The following ERBB4 variants were observed in gnomAD, a reference collection of about 807,000 sequenced individuals.
ERBB4 encodes receptor tyrosine-protein kinase erbB-4.
A neutral mutation model predicts 158.0 loss-of-function variants in ERBB4; 42 were observed. That is an observed-to-expected ratio of 0.27 (90% confidence interval 0.21 to 0.34). The LOEUF (loss-of-function observed/expected upper bound fraction) is 0.34. Among genes scored for constraint, ERBB4 ranks in the 10% least tolerant of loss-of-function variants. ERBB4 has a pLI of 1.00. For synonymous variants in ERBB4, 583 were observed against 558.7 expected (o/e 1.04, Z -0.61); for missense variants, 1,333 against 1,624.1 (o/e 0.82, Z 3.08).
At chr2:211,475,957 A>G (rs1234396679) in intron 20 of ERBB4, among the ~76,000 whole-genome samples, 1 of 152,160 alleles carries the variant, frequency 6.6e-6, no homozygotes, top group African/African-American at 2.4e-5. Context: ...TACACGATCA[A>G]TTCCATCAAG....
At chr2:212,410,204 C>T (rs2091457023) in intron 1 of ERBB4, among the ~76,000 whole-genome samples, 1 of 151,944 alleles carries the variant, frequency 6.6e-6, no homozygotes, top group South Asian at 2.1e-4. Context: ...ATACCTGTTA[C>T]TGTCATTTAT....
intron 1 of ERBB4, among the ~76,000 whole-genome samples, chr2:212,474,887 T>C (rs1434631587): frequency 7.3e-6 from 1 of 137,548 alleles, no homozygotes; most frequent in African/African-American, 2.8e-5. Flanking sequence ...CCTGATGGGC[T>C]CAAGGATTCC....
intron 1 of ERBB4, among the ~76,000 whole-genome samples, chr2:212,304,490 T>C (rs1441647701): frequency 1.3e-5 from 2 of 151,530 alleles, no homozygotes; most frequent in East Asian, 3.9e-4. Context: ...TTTTTATTTG[T>C]AGCATATCCA....
chr2:212,362,686 C>T (rs1190009885), intron 1 of ERBB4, among the ~76,000 whole-genome samples: 1 of 148,120 alleles, frequency 6.8e-6, no homozygotes, highest in African/African-American at 2.5e-5. Flanking sequence ...ACAGCCAATG[C>T]CAGCACTATC....
chr2:211,699,711 T>C (rs1447847359), intron 12 of ERBB4, among the ~76,000 whole-genome samples: 2 of 152,082 alleles, frequency 1.3e-5, no homozygotes, highest in Non-Finnish European at 2.9e-5. Context: ...AAAAAAAATA[T>C]GCCTATGGTC....
intron 19 of ERBB4, among the ~76,000 whole-genome samples, chr2:211,604,287 C>T (rs945825570): frequency 1.3e-5 from 2 of 152,164 alleles, no homozygotes; most frequent in African/African-American, 4.8e-5. Flanking sequence ...CTTGATTGAG[C>T]TTCTACCAAT....
chr2:212,468,222 C>T (rs1688937356), intron 1 of ERBB4, among the ~76,000 whole-genome samples: 2 of 152,040 alleles, frequency 1.3e-5, no homozygotes, highest in South Asian at 4.2e-4. Flanking sequence ...CGAGTTAAGG[C>T]TTTGGGGGAC....
chr2:212,419,209 GT>G, intron 1 of ERBB4, among the ~76,000 whole-genome samples: 1 of 151,662 alleles, frequency 6.6e-6, no homozygotes, highest in African/African-American at 2.4e-5. Context: ...CAAAATTAGT[GT>G]TTTTCAGACC....
intron 2 of ERBB4, among the ~76,000 whole-genome samples, chr2:211,964,542 G>A (rs969095230): frequency 9.9e-5 from 15 of 152,072 alleles, no homozygotes; most frequent in African/African-American, 1.2e-4. Context: ...ATTTCACTAC[G>A]GAATAAACTT....
chr2:212,248,273 T>C (rs953076519), intron 1 of ERBB4, among the ~76,000 whole-genome samples: 17 of 152,340 alleles, frequency 1.1e-4, no homozygotes, highest in Middle Eastern at 3.4e-3. Flanking sequence ...TGCGTTTACA[T>C]ACATGATCAT....
chr2:211,602,984 T>A (rs1252278283), intron 19 of ERBB4, among the ~76,000 whole-genome samples: 1 of 152,072 alleles, frequency 6.6e-6, no homozygotes, highest in Non-Finnish European at 1.5e-5. Flanking sequence ...ATTCCAGCAC[T>A]TTGGGAGGCT....
chr2:211,527,578 G>A (rs2066383373), intron 20 of ERBB4, among the ~76,000 whole-genome samples: 1 of 151,988 alleles, frequency 6.6e-6, no homozygotes, highest in African/African-American at 2.4e-5. Context: ...ACTCTGTTGT[G>A]TGAACCACTC....
chr2:212,131,160 G>A (rs1192246301), intron 1 of ERBB4, among the ~76,000 whole-genome samples: 2 of 152,068 alleles, frequency 1.3e-5, no homozygotes, highest in African/African-American at 4.8e-5. Flanking sequence ...CCCCAAATGG[G>A]TCCAAACTTG....
At chr2:212,017,044 G>A (rs957981573) in intron 2 of ERBB4, among the ~76,000 whole-genome samples, 6 of 151,900 alleles carry the variant, frequency 3.9e-5, no homozygotes, top group Admixed American at 1.3e-4. Context: ...AATATGCAGC[G>A]TATTTGAAAT....
At chr2:211,987,674 G>C (rs2081973574) in intron 2 of ERBB4, among the ~76,000 whole-genome samples, 1 of 151,966 alleles carries the variant, frequency 6.6e-6, no homozygotes, top group East Asian at 1.9e-4. Context: ...ATTTTCTAAG[G>C]CTAAAGAAAG....
chr2:211,774,719 T>G (rs202105501), intron 4 of ERBB4, among the ~76,000 whole-genome samples: 2 of 111,342 alleles, frequency 1.8e-5, no homozygotes, highest in Non-Finnish European at 3.8e-5. Context: ...GCCAATTTCC[T>G]TTTACTTTTT....
At position 212,053,048 on chromosome 2, in the gene ERBB4, G is replaced by T. The variant is rs558886991; in HGVS notation, c.234+71704C>A. 2.5e-4 allele frequency among the ~76,000 whole-genome samples: 38 copies of T among 152,232 alleles called. No homozygotes were observed. The South Asian group carries it at 7.7e-3, about 31-fold the overall frequency. ...TCCAACAGTATACAGGCCAGGTGTG[G>T]TGGCTCATGCCTAAAGCCCAGCACA... On this transcript the variant is annotated intron_variant, in intron 2 of 27. Transcript: ENST00000342788.
At chr2:211,385,387 G>A (rs2062664202) in intron 27 of ERBB4, among the ~76,000 whole-genome samples, 1 of 152,064 alleles carries the variant, frequency 6.6e-6, no homozygotes, top group Non-Finnish European at 1.5e-5. Flanking sequence ...TTAGTGTTGG[G>A]ATAGAATTCA....
intron 3 of ERBB4, among the ~76,000 whole-genome samples, chr2:211,862,675 A>C (rs2106083683): frequency 6.6e-6 from 1 of 152,364 alleles, no homozygotes; most frequent in East Asian, 1.9e-4. Flanking sequence ...CAAAGAATTT[A>C]AAATGGAATG....
Sources: gnomAD v4.1 joint callset for allele counts (sites outside exome capture counted in the v4.1 genomes callset) on GRCh38, gnomAD v4.1.1 for gene constraint, MANE v1.5 for transcripts, NCBI Gene and HGNC (gene_info 2026-07-23, HGNC 2026-07-21) for gene names.